Variants in HS3ST5 observed in about 807,000 individuals in gnomAD.
HS3ST5 encodes heparan sulfate glucosamine 3-O-sulfotransferase 5.
A neutral mutation model predicts 25.4 loss-of-function variants in HS3ST5; 10 were observed. The observed-to-expected ratio is 0.39, with a 90% CI of 0.24 to 0.67. The LOEUF (loss-of-function observed/expected upper bound fraction) is 0.67, where lower values mean the gene tolerates loss of function less well. Among genes scored for constraint, HS3ST5 ranks in the 30% least tolerant of loss-of-function variants. The pLI is 0.44. For synonymous variants in HS3ST5, 170 were observed against 162.4 expected (o/e 1.05, Z -0.36); for missense variants, 324 against 420.7 (o/e 0.77, Z 2.01).
At chr6:114,201,567 C>T (rs903616585) in intron 2 of HS3ST5, among the ~76,000 whole-genome samples, 10 of 152,124 alleles carry the variant, frequency 6.6e-5, no homozygotes, top group African/African-American at 2.2e-4. Context: ...ACCTTAGGGT[C>T]ACTGCTCCCT....
At chr6:114,293,665 T>C (rs752009329) in intron 1 of HS3ST5, among the ~76,000 whole-genome samples, 4 of 152,164 alleles carry the variant, frequency 2.6e-5, no homozygotes, top group African/African-American at 4.8e-5. Flanking sequence ...TAATAATACA[T>C]AAGAGCATAT....
At chr6:114,277,368 G>A (rs1334137660) in intron 1 of HS3ST5, among the ~76,000 whole-genome samples, 1 of 149,622 alleles carries the variant, frequency 6.7e-6, no homozygotes, top group Non-Finnish European at 1.5e-5. Flanking sequence ...TATTTCTTTT[G>A]CTTCTTTACA....
At chr6:114,335,141 C>T (rs1333161309) in intron 1 of HS3ST5, among the ~76,000 whole-genome samples, 1 of 152,104 alleles carries the variant, frequency 6.6e-6, no homozygotes. Context: ...AGGATCATGG[C>T]TCCACCCCTT....
intron 2 of HS3ST5, among the ~76,000 whole-genome samples, chr6:114,225,934 A>G (rs10155707): frequency 5.9e-5 from 9 of 151,932 alleles, no homozygotes; most frequent in Non-Finnish European, 1.0e-4. Flanking sequence ...TTATCTTCAA[A>G]TATACCACCC....
intron 1 of HS3ST5, among the ~76,000 whole-genome samples, chr6:114,294,409 A>AAAATTAAT (rs1774720697): frequency 6.6e-6 from 1 of 152,046 alleles, no homozygotes; most frequent in Non-Finnish European, 1.5e-5. Context: ...TTGAACTCCT[A>AAAATTAAT]AAATTAATAT....
chr6:114,188,745 G>A (rs1373217657), intron 2 of HS3ST5, among the ~76,000 whole-genome samples: 1 of 152,054 alleles, frequency 6.6e-6, no homozygotes, highest in South Asian at 2.1e-4. Flanking sequence ...CACTTACCAC[G>A]GAAGCACTTT....
chr6:114,235,667 C>T (rs1771823284), intron 1 of HS3ST5: 1 of 152,164 alleles, frequency 6.6e-6, no homozygotes, highest in Admixed American at 6.5e-5. Flanking sequence ...TACATGGAAT[C>T]CTAGAGTCTT....
intron 3 of HS3ST5, among the ~76,000 whole-genome samples, chr6:114,072,874 C>T (rs959517835): frequency 4.9e-4 from 75 of 152,300 alleles, no homozygotes; most frequent in African/African-American, 1.5e-3. Flanking sequence ...GGAGGCATCA[C>T]GCTGCCTGAC....
intron 1 of HS3ST5, among the ~76,000 whole-genome samples, chr6:114,319,208 T>A (rs1037580224): frequency 6.6e-6 from 1 of 152,230 alleles, no homozygotes; most frequent in South Asian, 2.1e-4. Flanking sequence ...GAATGTTTAA[T>A]TTTCTTAATT....
intron 3 of HS3ST5, among the ~76,000 whole-genome samples, chr6:114,161,334 G>T (rs1349949352): frequency 6.6e-6 from 1 of 150,438 alleles, no homozygotes; most frequent in Non-Finnish European, 1.5e-5. Context: ...GGAAACAACT[G>T]AAGAATGCTT....
chr6:114,153,068 A>G (rs1033362455), intron 3 of HS3ST5, among the ~76,000 whole-genome samples: 5 of 152,130 alleles, frequency 3.3e-5, no homozygotes, highest in African/African-American at 9.7e-5. Context: ...GACTTTACCT[A>G]TCAGCTTGAA....
chr6:114,300,953 C>A (rs2114808156), intron 1 of HS3ST5, among the ~76,000 whole-genome samples: 1 of 152,212 alleles, frequency 6.6e-6, no homozygotes, highest in Non-Finnish European at 1.5e-5. Flanking sequence ...ATAGGAAAAT[C>A]TATAGAGACA....
intron 2 of HS3ST5, among the ~76,000 whole-genome samples, chr6:114,186,686 C>T (rs565038630): frequency 7.9e-5 from 12 of 152,284 alleles, no homozygotes; most frequent in Admixed American, 7.8e-4. Flanking sequence ...GGTAGCTATG[C>T]TAAACAATAA....
chr6:114,060,377 T>C (rs921772254), intron 4 of HS3ST5, among the ~76,000 whole-genome samples: 3 of 152,214 alleles, frequency 2.0e-5, no homozygotes, highest in African/African-American at 7.2e-5. Flanking sequence ...ATTTTGTTTT[T>C]ATAAATTTGT....
At chr6:114,139,753 G>A (rs1777815090) in intron 3 of HS3ST5, among the ~76,000 whole-genome samples, 1 of 152,176 alleles carries the variant, frequency 6.6e-6, no homozygotes, top group Non-Finnish European at 1.5e-5. Context: ...TATGTGGCAT[G>A]AACAAGAACA....
intron 3 of HS3ST5, among the ~76,000 whole-genome samples, chr6:114,136,368 C>T (rs189269568): frequency 2.5e-3 from 381 of 152,328 alleles, no homozygotes; most frequent in Non-Finnish European, 4.1e-3. Flanking sequence ...CTGTTGGCTG[C>T]TGCCATGTAG....
intron 3 of HS3ST5, among the ~76,000 whole-genome samples, chr6:114,142,039 A>T (rs1340062255): frequency 6.6e-6 from 1 of 151,890 alleles, no homozygotes; most frequent in Middle Eastern, 3.4e-3. Context: ...TGTAATATTC[A>T]TGATATTTCT....
chr6:114,298,309 A>C (rs949154096), intron 1 of HS3ST5, among the ~76,000 whole-genome samples: 4 of 152,234 alleles, frequency 2.6e-5, no homozygotes, highest in Non-Finnish European at 5.9e-5. Context: ...AAACAGCAAT[A>C]AAGAAGATCC....
chr6:114,068,727 T>G (rs1043104909), intron 3 of HS3ST5, among the ~76,000 whole-genome samples: 1 of 151,482 alleles, frequency 6.6e-6, no homozygotes, highest in Non-Finnish European at 1.5e-5. Context: ...AAAACTAAAG[T>G]TTTTTTTTAG....
Sources: gnomAD v4.1 joint callset for allele counts (sites outside exome capture counted in the v4.1 genomes callset) on GRCh38, gnomAD v4.1.1 for gene constraint, MANE v1.5 for transcripts, NCBI Gene and HGNC (gene_info 2026-07-23, HGNC 2026-07-21) for gene names.